MYH7: variants seen among roughly 807,000 people sequenced by gnomAD.
MYH7 encodes the protein myosin-7.
Under a neutral mutation model 225.4 loss-of-function variants are expected in MYH7, and 129 were observed. The observed-to-expected ratio is 0.57, with a 90% CI of 0.50 to 0.66. The LOEUF is 0.66. Ranked by LOEUF, MYH7 falls within the 30% of genes least tolerant of loss-of-function variation. MYH7 has a pLI of 0.00. For synonymous variants in MYH7, 971 were observed against 1,007.6 expected (o/e 0.96, Z 0.69); for missense variants, 1,649 against 2,517.0 (o/e 0.66, Z 7.38).
rs730880771 is a variant in MYH7 at position 23,422,184 on chromosome 14, T to C, written c.3241A>G (p.Lys1081Glu). 1.2e-6 allele frequency: 2 copies of C among 1,612,880 alleles called. No homozygotes were observed. Among genetic ancestry groups the C allele is most frequent in the Admixed American group, 3.3e-5 (2 of 60,016 alleles). ...AGCAGGGAGGGGACACAGTACTTTT[T>C]CAGCCGCTCATCCAGCTGCTGCTTG... ...NDKQQLDERL[K>E]KKDFELNALN... The change falls in exon 25 of 40, where the codon AAA becomes GAA. Residue 1081 changes from lysine to glutamate, a missense_variant. By Grantham distance (56) the Lys-to-Glu change is moderately conservative (BLOSUM62 1). Coordinates refer to ENST00000355349, the MANE Select transcript of MYH7 (RefSeq NM_000257.4).
chr14:23,415,511 G>T lies in MYH7; in HGVS notation c.5158-5C>A. On this transcript the variant is annotated splice_polypyrimidine_tract_variant and splice_region_variant and intron_variant, in intron 35 of 39. Coordinates refer to ENST00000355349, the MANE Select transcript of MYH7 (RefSeq NM_000257.4). This position sits in a 1 kb window ranked among gnomAD's most constrained non-coding sequence, Gnocchi z 6.3. The stretch of plus-strand genomic sequence containing the variant: ...CTGGTTGATGAGGCTGGTGTTCTGG[G>T]TTGGGGGAGGGTTGGGCAGAGCAGG... The T allele has an allele frequency of 6.2e-7, 1 of 1,614,218 alleles. No individual in the cohort carries two copies. The highest frequency in any genetic ancestry group is 8.5e-7 in the Non-Finnish European group (1 of 1,180,038).
rs1226802223 is a variant in MYH7, at chr14:23,429,770, C to T, written c.1138+5G>A. On this transcript the variant is annotated splice_donor_5th_base_variant and intron_variant, in intron 12 of 39. Coordinates refer to ENST00000355349, the MANE Select transcript of MYH7 (RefSeq NM_000257.4). Reference sequence around the variant, plus strand: ...CAGCTGCCCCCAAGAATCCCTGCCTCCCACCTTCAGTGCCGTCTGGCTCCG... The same window carrying T: ...CAGCTGCCCCCAAGAATCCCTGCCTTCCACCTTCAGTGCCGTCTGGCTCCG... The T allele has an allele frequency of 2.5e-6, 4 of 1,612,188 alleles. No individual in the cohort carries two copies. Among genetic ancestry groups the T allele is most frequent in the Non-Finnish European group, 3.4e-6 (4 of 1,180,014 alleles).
Position 23,425,844 on chromosome 14 carries a change from C to G in MYH7, c.2163-26G>C. The stretch of plus-strand genomic sequence containing the variant: ...CTGAGGAGGGAAGTGTCCAGAGTCA[C>G]CCATGCTCTGCAGTGATCTGCTCTG... On this transcript the variant is annotated intron_variant, in intron 19 of 39. Transcript: ENST00000355349. This position sits in a 1 kb window ranked among gnomAD's most constrained non-coding sequence, Gnocchi z 4.6. The G allele has an allele frequency of 6.2e-7, 1 of 1,613,718 alleles. No homozygotes were observed.
At chr14:23,420,878 C>A (rs1892445440) in intron 26 of MYH7, 80 bp downstream of exon 26, 1 of 1,068,142 alleles carries the variant, frequency 9.4e-7, no homozygotes, top group Admixed American at 1.8e-5. Context: ...ATGCTGTGAA[C>A]AGGACACCCT....
rs766021977 is a variant in MYH7, at chr14:23,427,534, C to T, written c.1888+51G>A. The T allele has an allele frequency of 2.9e-5, 47 of 1,605,654 alleles. No individual in the cohort carries two copies. The Middle Eastern group carries it at 6.7e-4, about 23-fold the overall frequency. ...GTGTAGCAATTGACCTGGCTCAGAA[C>T]CTTGGCAGAATCCCTGCTCCTCTGT... is the stretch of plus-strand genomic sequence containing the variant. On this transcript the variant is annotated intron_variant, in intron 16 of 39. Transcript: ENST00000355349.
rs758665829 is a variant in MYH7, at chr14:23,427,724, G to C, written c.1749C>G (p.Ala583=). The change falls in exon 16 of 40, where the codon GCC becomes GCG. Residue 583 remains alanine (A), a synonymous_variant. Coordinates refer to ENST00000355349, the MANE Select transcript of MYH7 (RefSeq NM_000257.4). ...CAATGATGTTGTAGTCCACGATGCCGGCATAGTGGATCAGGGAGAAGTGGG... is the reference window on the plus strand; with the variant it reads ...CAATGATGTTGTAGTCCACGATGCCCGCATAGTGGATCAGGGAGAAGTGGG... ...PEAHFSLIHY[A]GIVDYNIIGW... is the part of the protein sequence containing the mutation. 2 of 1,614,148 alleles carry C rather than the reference G, an allele frequency of 1.2e-6. No individual in the cohort carries two copies. The highest frequency in any genetic ancestry group is 2.7e-5 in the African/African-American group (2 of 75,022).
chr14:23,420,664 G>A (rs146008226), intron 26 of MYH7, among the ~76,000 whole-genome samples: 1 of 152,186 alleles, frequency 6.6e-6, no homozygotes, highest in Admixed American at 6.5e-5. Flanking sequence ...AACAGGGGAG[G>A]GCATGGAGAC....
In MYH7 at chr14:23,412,860, C is replaced by T. The variant is rs1892028656; in HGVS notation, c.5802G>A (p.Glu1934=). Residue 1934 remains glutamate (E), a synonymous_variant, in exon 40 of 40, where the codon GAG becomes GAA. Transcript: ENST00000355349. ...SRDIGTKGLN[E]E ...AGATCAAGATGTGGCAAAGCTACTC[C>T]TCATTCAAGCCCTTTTGAAAGGAAA... is the stretch of plus-strand genomic sequence containing the variant. The T allele has an allele frequency of 6.2e-7, 1 of 1,614,120 alleles. No homozygotes were observed. Among genetic ancestry groups the T allele is most frequent in the Non-Finnish European group, 8.5e-7 (1 of 1,179,996 alleles).
Position 23,425,589 on chromosome 14 carries a change from G to A in MYH7, c.2286+106C>T. On this transcript the variant is annotated intron_variant, in intron 20 of 39. Coordinates refer to ENST00000355349, the MANE Select transcript of MYH7 (RefSeq NM_000257.4). This position sits in a 1 kb window ranked among gnomAD's most constrained non-coding sequence, Gnocchi z 4.6. ...GCTAGATGTTCCACTGGGAGGGGTA[G>A]CATACAGGTAAGAGATTTTGCTAAG... 1 of 1,594,472 alleles carries A rather than the reference G, an allele frequency of 6.3e-7. No homozygotes were observed.
At position 23,425,490 on chromosome 14, in the gene MYH7, G is replaced by A; in HGVS notation, c.2287-72C>T. 6.2e-7 allele frequency: 1 copy of A among 1,610,514 alleles called. No individual in the cohort carries two copies. Reference sequence around the variant, plus strand: ...GAAAGAGATGGTGGGGATTACCTTAGGAAGGGTAACAGCCTAGAAAAGGAT... The same window carrying A: ...GAAAGAGATGGTGGGGATTACCTTAAGAAGGGTAACAGCCTAGAAAAGGAT... On this transcript the variant is annotated intron_variant, in intron 20 of 39. Transcript: ENST00000355349. This position sits in a 1 kb window ranked among gnomAD's most constrained non-coding sequence, Gnocchi z 4.6.
chr14:23,420,697 C>T (rs1892440001), intron 26 of MYH7, among the ~76,000 whole-genome samples: 1 of 152,162 alleles, frequency 6.6e-6, no homozygotes, highest in Non-Finnish European at 1.5e-5. Context: ...AGTGGGCTCC[C>T]AGAGGTCACC....
At position 23,415,767 on chromosome 14, in the gene MYH7, G is replaced by C; in HGVS notation, c.5019C>G (p.Ile1673Met). 1 of 1,614,186 alleles carries C rather than the reference G, an allele frequency of 6.2e-7. No individual in the cohort carries two copies. The highest frequency in any genetic ancestry group is 8.5e-7 in the Non-Finnish European group (1 of 1,180,048). Residue 1673 changes from isoleucine to methionine, a missense_variant, in exon 35 of 40, where the codon ATC becomes ATG. By Grantham distance (10) the Ile-to-Met change is conservative (BLOSUM62 1). Transcript: ENST00000355349. The surrounding 1 kb of genome is among the most constrained non-coding windows in gnomAD (Gnocchi z 6.3). ...GCAGCAGGTTGTTGCGCCGCTCCAC[G>C]ATGGCGATGTTCTCCTTCAGGTCGT... The part of the protein sequence containing the change: ...ANDDLKENIA[I>M]VERRNNLLQA...
intron 31 of MYH7, 22 bp downstream of exon 31, chr14:23,417,480 TG>T: frequency 6.2e-7 from 1 of 1,612,252 alleles, no homozygotes; most frequent in East Asian, 2.2e-5. Flanking sequence ...GCATGCTGGC[TG>T]CGGCCCCCAC....
intron 24 of MYH7, among the ~76,000 whole-genome samples, chr14:23,422,631 CCTT>C (rs1892526480): frequency 7.3e-6 from 1 of 137,552 alleles, no homozygotes; most frequent in Non-Finnish European, 1.6e-5. Context: ...CTTCCTTCCT[CCTT>C]TTTTTTTTTT....
At position 23,431,447 on chromosome 14, in the gene MYH7, C is replaced by T. The variant is rs121913633; in HGVS notation, c.767G>A (p.Gly256Glu). The T allele has an allele frequency of 1.2e-6, 2 of 1,614,070 alleles. No individual in the cohort carries two copies. The highest frequency in any genetic ancestry group is 1.7e-6 in the Non-Finnish European group (2 of 1,180,034). Residue 256 changes from glycine (G) to glutamate (E), a missense_variant, in exon 9 of 40, where the codon GGA becomes GAA. By Grantham distance (98) the Gly-to-Glu change is moderately conservative. This residue lies in a region of MYH7 where 131 missense variants were observed against 231.3 expected (regional missense o/e 0.57). Transcript: ENST00000355349. Reference sequence around the variant, plus strand: ...CTCTATGTCTGCAGATGCCAACTTTCCTGTTGCCCCAAAATGAATTCGAAT... The same window carrying T: ...CTCTATGTCTGCAGATGCCAACTTTTCTGTTGCCCCAAAATGAATTCGAAT... The part of the protein sequence containing the change: ...KFIRIHFGAT[G>E]KLASADIETY...
Position 23,433,048 on chromosome 14 carries a change from C to G in MYH7, c.345+36G>C, listed in dbSNP as rs1221187646. ...GGGGTGGACATGGATGGAGCAAGAA[C>G]AGAGATCCCAACGTAGGGCCAGGTG... On this transcript the variant is annotated intron_variant, in intron 4 of 39. Transcript: ENST00000355349. The surrounding 1 kb of genome is among the most constrained non-coding windows in gnomAD (Gnocchi z 4.1). The G allele has an allele frequency of 2.5e-6, 4 of 1,613,818 alleles. No homozygotes were observed. The highest frequency in any genetic ancestry group is 3.4e-6 in the Non-Finnish European group (4 of 1,179,962).
rs730880767 is a variant in MYH7 at position 23,422,277 on chromosome 14, G to A, written c.3148C>T (p.Arg1050Ter). The A allele has an allele frequency of 1.6e-5, 26 of 1,613,976 alleles. No individual in the cohort carries two copies. The highest frequency in any genetic ancestry group is 2.1e-5 in the Non-Finnish European group (25 of 1,180,010). The change falls in exon 25 of 40, where the codon CGA (arginine) becomes TGA (stop). Residue 1050 changes from arginine (R) to a stop codon, truncating the protein, a stop_gained. Coordinates refer to ENST00000355349, the MANE Select transcript of MYH7 (RefSeq NM_000257.4). LOFTEE classifies it high-confidence loss of function. ...QEKKVRMDLERAKRKLEGDLK... is the reference protein window; with the variant it reads ...QEKKVRMDLE ...TCGCCCTCCAGCTTCCGCTTCGCTC[G>A]CTCCAGGTCCATGCGCACCTTCTTC...
intron 1 of MYH7, among the ~76,000 whole-genome samples, chr14:23,435,364 C>CCACA (rs3138591): frequency 0.012 from 1,754 of 147,644 alleles, 12 homozygotes; most frequent in Middle Eastern, 0.018. Flanking sequence ...GCAGGCTTGT[C>CCACA]CACACACACA....
At position 23,433,221 on chromosome 14, in the gene MYH7, T is replaced by A. The variant is rs397516129; in HGVS notation, c.208A>T (p.Thr70Ser). 2 of 1,614,154 alleles carry A rather than the reference T, an allele frequency of 1.2e-6. No homozygotes were observed. The highest frequency in any genetic ancestry group is 1.6e-4 in the Middle Eastern group (1 of 6,062). The change falls in exon 4 of 40, where the codon ACC becomes TCC. Residue 70 changes from threonine to serine, a missense_variant. By Grantham distance (58) the Thr-to-Ser change is moderately conservative (BLOSUM62 1). Transcript: ENST00000355349. This position sits in a 1 kb window ranked among gnomAD's most constrained non-coding sequence, Gnocchi z 4.1. ...TGCATCACCTGGTCCTCCTTCACGG[T>A]CACTGTCTGCAAGAGCCCCCACCCA... ...TAETEYGKTV[T>S]VKEDQVMQQN...
Sources: gnomAD v4.1 joint callset for allele counts (sites outside exome capture counted in the v4.1 genomes callset) on GRCh38, gnomAD v4.1.1 for gene constraint, gnomAD v4.1.1 regional missense constraint, Gnocchi (gnomAD v3.1) non-coding constraint, MANE v1.5 for transcripts, NCBI Gene and HGNC (gene_info 2026-07-23, HGNC 2026-07-21) for gene names.